The following CCP110 variants were observed in gnomAD, a reference collection of about 807,000 sequenced individuals.
CCP110 encodes centriolar coiled-coil protein of 110 kDa.
In CCP110, 43 loss-of-function variants were observed where a neutral mutation model predicts 105.5. The ratio of observed to expected loss-of-function variants is 0.41; its 90% CI spans 0.32 to 0.53. The LOEUF is 0.53. CCP110 is among the 20% of genes least tolerant of loss of function. The pLI is 0.32. For synonymous variants in CCP110, 353 were observed against 392.1 expected, an observed-to-expected ratio of 0.90 and a Z score of 1.18; for missense variants, 1,016 against 1,189.1, an observed-to-expected ratio of 0.85 and a Z score of 2.14.
Position 19,544,721 on chromosome 16 carries a change from A to G in CCP110, c.2485-76A>G, listed in dbSNP as rs1970402613. The stretch of plus-strand genomic sequence containing the variant: ...AGACTGTAATTTTGGATTGACTGAG[A>G]AAAAGAAAAAAGCAAACTCCAGTGA... On this transcript the variant is annotated intron_variant, in intron 8 of 14. Coordinates refer to ENST00000381396, the Ensembl canonical transcript of CCP110. 5 of 785,408 alleles carry G rather than the reference A, an allele frequency of 6.4e-6. 1 individual carries two copies. The highest frequency in any genetic ancestry group is 4.3e-5 in the Admixed American group (2 of 46,058). 48.7% of individuals were successfully genotyped at this position (785,408 alleles called of 1,614,324 possible). A position where few individuals can be genotyped will look rare whatever the true frequency, so the allele number is the denominator to read the frequency against.
exon 15 of CCP110, chr16:19,551,390 G>A: frequency 1.3e-6 from 1 of 744,588 alleles, no homozygotes; most frequent in Middle Eastern, 2.4e-4. Flanking sequence ...TGGATCATTT[G>A]GTCAGTTTGG....
rs952232056 is a variant in CCP110 at position 19,551,391 on chromosome 16, G to C, written c.*143G>C. On this transcript the variant is annotated 3_prime_UTR_variant, in exon 15 of 15. Coordinates refer to ENST00000381396, the Ensembl canonical transcript of CCP110. ...GCTGAGCACTTATCTGGATCATTTG[G>C]TCAGTTTGGTAATTCCTGCTCCACA... 11 of 746,520 alleles carry C rather than the reference G, an allele frequency of 1.5e-5. No homozygotes were observed. In the African/African-American group the frequency reaches 1.6e-4, roughly 11 times the overall value. 46.2% of individuals were successfully genotyped at this position (746,520 alleles called of 1,614,324 possible). A position where few individuals can be genotyped will look rare whatever the true frequency, so the allele number is the denominator to read the frequency against.
chr16:19,538,547 C>T (rs901384026), intron 4 of CCP110, among the ~76,000 whole-genome samples: 3 of 150,592 alleles, frequency 2.0e-5, no homozygotes, highest in Non-Finnish European at 3.0e-5. Context: ...TGGCCTCAAG[C>T]GATCCACCCG....
chr16:19,536,757 A>G lies in CCP110; in HGVS notation c.1088A>G (p.Lys363Arg), dbSNP rs772985733. The G allele has an allele frequency of 1.9e-6, 3 of 1,614,216 alleles. No individual in the cohort carries two copies. Among genetic ancestry groups the G allele is most frequent in the Non-Finnish European group, 1.7e-6 (2 of 1,180,034 alleles). ...AAAAGTCTTACAGGTTCATATGCCA[A>G]ATTACCTAGTCCAGAGCCAAGTATG... The change falls in exon 4 of 15, where the codon AAA (lysine) becomes AGA (arginine). Residue 363 changes from lysine to arginine, a missense_variant. Lys to Arg is a conservative substitution (Grantham distance 26). Transcript: ENST00000381396.
chr16:19,536,685 C>G (rs1226404070), exon 4 of CCP110: 2 of 1,614,050 alleles, frequency 1.2e-6, no homozygotes, highest in Admixed American at 3.3e-5. Flanking sequence ...GAGTCTAATT[C>G]TGATTTTAAA....
At chr16:19,540,780 T>C in exon 5 of CCP110, 1 of 1,612,502 alleles carries the variant, frequency 6.2e-7, no homozygotes, top group Non-Finnish European at 8.5e-7. Context: ...CAAGAAAGAC[T>C]GCAAAAGGTG....
chr16:19,536,465 G>T, exon 4 of CCP110: 1 of 1,613,998 alleles, frequency 6.2e-7, no homozygotes, highest in Non-Finnish European at 8.5e-7. Flanking sequence ...CAAAGAACAT[G>T]ATGCTGTTGA....
intron 4 of CCP110, among the ~76,000 whole-genome samples, chr16:19,540,312 T>C (rs1970231877): frequency 6.6e-6 from 1 of 152,126 alleles, no homozygotes; most frequent in South Asian, 2.1e-4. Context: ...GGAGGACAAG[T>C]GTCAAAAAAA....
chr16:19,539,039 G>T (rs935249651), intron 4 of CCP110, among the ~76,000 whole-genome samples: 1 of 151,700 alleles, frequency 6.6e-6, no homozygotes, highest in African/African-American at 2.4e-5. Context: ...ATGAACCCAG[G>T]AGGCGGAGGT....
intron 3 of CCP110, 134 bp downstream of exon 3, chr16:19,532,678 T>A: frequency 1.4e-6 from 1 of 699,504 alleles, no homozygotes; most frequent in Non-Finnish European, 2.3e-6. Flanking sequence ...GCTTCATAAT[T>A]TGTGATTTTC....
At chr16:19,545,918 G>C (rs778786152) in intron 11 of CCP110, 28 bp downstream of exon 11, 5 of 1,259,190 alleles carry the variant, frequency 4.0e-6, no homozygotes, top group Non-Finnish European at 5.8e-6. Flanking sequence ...TGTCATGTTA[G>C]TTATCAAACC....
intron 3 of CCP110, 90 bp downstream of exon 3, chr16:19,532,634 A>C: frequency 1.9e-6 from 2 of 1,030,308 alleles, no homozygotes; most frequent in Non-Finnish European, 2.8e-6. Flanking sequence ...GCACTTAACT[A>C]ATTACTAATG....
rs112583917 is a variant in CCP110 at position 19,536,547 on chromosome 16, C to G, written c.878C>G (p.Pro293Arg). ...TGTGTCTCAGTTATTCCTGACAAAC[C>G]AAGCCTTAATAAATCAAATGTTCTT... The change falls in exon 4 of 15, where the codon CCA (proline) becomes CGA (arginine). Residue 293 changes from proline (P) to arginine (R), a missense_variant. By Grantham distance (103) the Pro-to-Arg change is moderately radical. Transcript: ENST00000381396. The G allele has an allele frequency of 4.6e-4, 750 of 1,614,104 alleles. No homozygotes were observed. Among genetic ancestry groups the G allele is most frequent in the Non-Finnish European group, 5.7e-4 (676 of 1,180,020 alleles).
chr16:19,531,999 T>C (rs1272839774), intron 2 of CCP110, among the ~76,000 whole-genome samples: 1 of 150,906 alleles, frequency 6.6e-6, no homozygotes, highest in Admixed American at 6.6e-5. Context: ...GAATGTGAAG[T>C]AATATTCAAG....
At chr16:19,524,634 C>T (rs1969605671) in intron 1 of CCP110, 1 of 152,178 alleles carries the variant, frequency 6.6e-6, no homozygotes, top group Non-Finnish European at 1.5e-5. Context: ...TAGATGGTTC[C>T]CACCCTTTGA....
At chr16:19,543,782 C>G (rs1970369028) in intron 8 of CCP110, among the ~76,000 whole-genome samples, 1 of 152,106 alleles carries the variant, frequency 6.6e-6, no homozygotes, top group African/African-American at 2.4e-5. Context: ...CCCTGGTCTC[C>G]TGCAGTACCC....
At chr16:19,545,531 G>A (rs537261330) in intron 10 of CCP110, among the ~76,000 whole-genome samples, 1 of 152,132 alleles carries the variant, frequency 6.6e-6, no homozygotes, top group Admixed American at 6.5e-5. Flanking sequence ...TTTGAAATCT[G>A]AGTTAGAAAA....
chr16:19,533,094 G>C (rs1969930960), intron 3 of CCP110, among the ~76,000 whole-genome samples: 1 of 152,166 alleles, frequency 6.6e-6, no homozygotes, highest in South Asian at 2.1e-4. Context: ...CTGACATGTG[G>C]ATCATTTTGT....
chr16:19,532,938 A>G lies in CCP110; in HGVS notation c.270+394A>G, dbSNP rs141283291. On this transcript the variant is annotated intron_variant, in intron 3 of 14. Coordinates refer to ENST00000381396, the Ensembl canonical transcript of CCP110. ...TTGCTTAAGTAAATAACTGCCTCCA[A>G]TTTTTTTTTGGTGAAAACTCTTAGA... Among the ~76,000 whole-genome samples, 380 of 151,334 alleles carry G rather than the reference A, an allele frequency of 2.5e-3. 4 individuals are homozygous for G. The highest frequency in any genetic ancestry group is 8.8e-3 in the African/African-American group (365 of 41,384).
Sources: gnomAD v4.1 joint callset for allele counts (sites outside exome capture counted in the v4.1 genomes callset) on GRCh38, gnomAD v4.1.1 for gene constraint, MANE v1.5 for transcripts, NCBI Gene and HGNC (gene_info 2026-07-23, HGNC 2026-07-21) for gene names.